Variants in SYNCRIP observed in about 807,000 individuals in gnomAD.
The protein encoded by SYNCRIP is synaptotagmin binding cytoplasmic RNA interacting protein.
In SYNCRIP, 9 loss-of-function variants were observed where a neutral mutation model predicts 68.9. The observed-to-expected ratio is 0.13, with a 90% CI of 0.08 to 0.23. The LOEUF (loss-of-function observed/expected upper bound fraction) is 0.23, where lower values mean the gene tolerates loss of function less well. Among genes scored for constraint, SYNCRIP ranks in the 10% least tolerant of loss-of-function variants. The probability of loss-of-function intolerance (pLI) is 1.00; values close to 1 mark genes in which losing one functional copy is unlikely to be tolerated. For missense variants in SYNCRIP, 414 were observed against 770.6 expected, an observed-to-expected ratio of 0.54 and a Z score of 5.48; for synonymous variants, 258 against 254.0, an observed-to-expected ratio of 1.02 and a Z score of -0.15.
chr6:85,627,515 T>TA (rs955868015), intron 6 of SYNCRIP, among the ~76,000 whole-genome samples: 46 of 149,330 alleles, frequency 3.1e-4, no homozygotes, highest in African/African-American at 3.0e-4. Flanking sequence ...CTCTATCACC[T>TA]AAAAAAAAAC....
Position 85,623,610 on chromosome 6 carries a change from T to G in SYNCRIP, c.802+367A>C, listed in dbSNP as rs1227290473. ...ACTCTGCTACGGCAATACTTACTAC[T>G]CCTGTAATTTCAAGAACATCAAATC... is the stretch of plus-strand genomic sequence containing the variant. On this transcript the variant is annotated intron_variant, in intron 7 of 10. Coordinates refer to ENST00000369622, the MANE Select transcript of SYNCRIP (RefSeq NM_006372.5). 2.2e-5 allele frequency among the ~76,000 whole-genome samples: 3 copies of G among 139,400 alleles called. No individual in the cohort carries two copies. The East Asian group carries it at 6.8e-4, about 32-fold the overall frequency. The allele number at this position is 139,400 out of a possible 152,430, so 91.5% of individuals were successfully genotyped here. A position where few individuals can be genotyped will look rare whatever the true frequency, so the allele number is the denominator to read the frequency against.
chr6:85,641,203 G>A, intron 2 of SYNCRIP, 89 bp downstream of exon 2: 1 of 1,114,044 alleles, frequency 9.0e-7, no homozygotes, highest in Non-Finnish European at 1.3e-6. Flanking sequence ...CACACTTATT[G>A]GAAACCACAA....
intron 2 of SYNCRIP, 29 bp downstream of exon 2, chr6:85,641,263 A>C (rs763784175): frequency 2.5e-6 from 4 of 1,575,222 alleles, no homozygotes; most frequent in South Asian, 2.3e-5. Context: ...AAAATTTCAT[A>C]ATGTAATTTT....
At chr6:85,621,609 A>T (rs1806415084) in intron 8 of SYNCRIP, among the ~76,000 whole-genome samples, 1 of 84,346 alleles carries the variant, frequency 1.2e-5, no homozygotes, top group African/African-American at 1.8e-4. Context: ...CTGTCACTTA[A>T]AAAAAAAAAA....
downstream of SYNCRIP, chr6:85,612,893 G>C (rs1469275119): frequency 1.3e-6 from 2 of 1,550,832 alleles, no homozygotes; most frequent in Non-Finnish European, 1.7e-6. Context: ...CATTGTAACA[G>C]GTCAGGACCG....
chr6:85,619,988 C>G (rs1235658382), intron 8 of SYNCRIP, among the ~76,000 whole-genome samples: 1 of 152,122 alleles, frequency 6.6e-6, no homozygotes, highest in East Asian at 1.9e-4. Flanking sequence ...GGCTCACACC[C>G]GTAATCCCAG....
rs1305591325 is a variant in SYNCRIP at position 85,620,520 on chromosome 6, A to G, written c.1009-1103T>C. Among the ~76,000 whole-genome samples, 3 of 152,226 alleles carry G rather than the reference A, an allele frequency of 2.0e-5. No individual in the cohort carries two copies. The East Asian group carries it at 5.8e-4, about 29-fold the overall frequency. Reference sequence around the variant, plus strand: ...AGTGGTTGAATGGGGAGGGATGACTAAGCACAGGACAGAGGATTTTTAGGG... The same window carrying G: ...AGTGGTTGAATGGGGAGGGATGACTGAGCACAGGACAGAGGATTTTTAGGG... On this transcript the variant is annotated intron_variant, in intron 8 of 10. Transcript: ENST00000369622.
chr6:85,615,363 C>A lies in SYNCRIP; in HGVS notation c.1281-16G>T. 2 of 1,442,192 alleles carry A rather than the reference C, an allele frequency of 1.4e-6. No individual in the cohort carries two copies. Among genetic ancestry groups the A allele is most frequent in the East Asian group, 2.4e-5 (1 of 42,048 alleles). The allele number at this position is 1,442,192 out of a possible 1,614,324, so 89.3% of individuals were successfully genotyped here. On this transcript the variant is annotated splice_polypyrimidine_tract_variant and intron_variant, in intron 10 of 10. Coordinates refer to ENST00000369622, the MANE Select transcript of SYNCRIP (RefSeq NM_006372.5). ...ATCGTCATACCTATTAAAAAAGAGA[C>A]AGAGATTAGAGTTTAAATCAAATTA... is the stretch of plus-strand genomic sequence containing the variant.
chr6:85,635,588 G>A (rs1808342455), intron 6 of SYNCRIP, among the ~76,000 whole-genome samples: 1 of 151,794 alleles, frequency 6.6e-6, no homozygotes, highest in African/African-American at 2.4e-5. Flanking sequence ...TGGCCAACAT[G>A]GTGAAACCCT....
intron 6 of SYNCRIP, among the ~76,000 whole-genome samples, chr6:85,631,635 T>C (rs1309614622): frequency 6.6e-6 from 1 of 152,228 alleles, no homozygotes; most frequent in Non-Finnish European, 1.5e-5. Flanking sequence ...CTAAAATATT[T>C]TGGCAACAGA....
At chr6:85,628,815 T>A (rs929617692) in intron 6 of SYNCRIP, among the ~76,000 whole-genome samples, 1 of 152,210 alleles carries the variant, frequency 6.6e-6, no homozygotes, top group African/African-American at 2.4e-5. Flanking sequence ...GTTTTTCAGA[T>A]CCTGACGGTC....
At chr6:85,613,161 C>A (rs543267805), downstream of SYNCRIP, among the ~76,000 whole-genome samples, 2 of 151,506 alleles carry the variant, frequency 1.3e-5, no homozygotes, top group East Asian at 3.9e-4. Flanking sequence ...GGTTTGAAAA[C>A]CCCATTTTGT....
Position 85,637,910 on chromosome 6 carries a change from A to C in SYNCRIP, c.376-554T>G, listed in dbSNP as rs1295140121. Among the ~76,000 whole-genome samples the C allele has an allele frequency of 2.6e-5, 4 of 152,200 alleles. No homozygotes were observed. The East Asian group carries it at 7.7e-4, about 29-fold the overall frequency. On this transcript the variant is annotated intron_variant, in intron 4 of 10. Transcript: ENST00000369622. ...TACGTGCCATATTTCATGGGATAGC[A>C]TGGGTCCTTCAGAAAAAAGTAACAG...
In SYNCRIP at chr6:85,619,441, T is replaced by A. The variant is rs757034311; in HGVS notation, c.1009-24A>T. On this transcript the variant is annotated intron_variant, in intron 8 of 10. Coordinates refer to ENST00000369622, the MANE Select transcript of SYNCRIP (RefSeq NM_006372.5). The stretch of plus-strand genomic sequence containing the variant: ...ACCTAGGGGGAAGAAAATACCCCCC[T>A]GTATTATTTCCAAAGAGTTCCATTT... The A allele has an allele frequency of 2.5e-6, 4 of 1,598,816 alleles. No individual in the cohort carries two copies. In the Admixed American group the frequency reaches 5.4e-5, roughly 22 times the overall value.
chr6:85,638,585 T>C lies in SYNCRIP; in HGVS notation c.376-1229A>G, dbSNP rs1026136685. 2.6e-5 allele frequency among the ~76,000 whole-genome samples: 4 copies of C among 152,240 alleles called. No homozygotes were observed. The East Asian group carries it at 5.8e-4, about 22-fold the overall frequency. ...TGACAAAATTTATCAAAATGCATAA[T>C]CTAGGGTCACCTCAGTCTCTGAAAA... On this transcript the variant is annotated intron_variant, in intron 4 of 10. Coordinates refer to ENST00000369622, the MANE Select transcript of SYNCRIP (RefSeq NM_006372.5).
chr6:85,618,571 A>AT (rs569309709), intron 10 of SYNCRIP, among the ~76,000 whole-genome samples: 45 of 151,940 alleles, frequency 3.0e-4, no homozygotes, highest in Non-Finnish European at 5.9e-4. Context: ...AGCTAGACAG[A>AT]TTTTTCATCT....
At chr6:85,631,727 T>G (rs910410489) in intron 6 of SYNCRIP, among the ~76,000 whole-genome samples, 1 of 152,212 alleles carries the variant, frequency 6.6e-6, no homozygotes, top group African/African-American at 2.4e-5. Flanking sequence ...GTGACGTAAC[T>G]TGTACAGTTG....
chr6:85,621,409 C>T lies in SYNCRIP; in HGVS notation c.1008+1073G>A, dbSNP rs117426102. Among the ~76,000 whole-genome samples the T allele has an allele frequency of 7.4e-3, 1,122 of 152,086 alleles. 12 individuals are homozygous for T. Among genetic ancestry groups the T allele is most frequent in the Middle Eastern group, 0.014 (4 of 294 alleles). ...TGCTTAAGGCTAAGAATTGTAAGAC[C>T]GGCCTGGGCAGCACAGGGAGATTAA... On this transcript the variant is annotated intron_variant, in intron 8 of 10. Transcript: ENST00000369622.
At chr6:85,609,416 G>C (rs1411001066), downstream of SYNCRIP, 1 of 151,848 alleles carries the variant, frequency 6.6e-6, no homozygotes, top group Non-Finnish European at 1.5e-5. Context: ...CAATAACTCA[G>C]ATCACCCCAT....
Sources: gnomAD v4.1 joint callset for allele counts (sites outside exome capture counted in the v4.1 genomes callset) on GRCh38, gnomAD v4.1.1 for gene constraint, MANE v1.5 for transcripts, NCBI Gene and HGNC (gene_info 2026-07-23, HGNC 2026-07-21) for gene names.